The following MYOM1 variants were observed in gnomAD, a reference collection of about 807,000 sequenced individuals.
MYOM1 encodes myomesin-1.
A neutral mutation model predicts 205.3 loss-of-function variants in MYOM1; 164 were observed. The ratio of observed to expected loss-of-function variants is 0.80; its 90% CI spans 0.70 to 0.91. The LOEUF is 0.91. MYOM1 is among the 40% of genes least tolerant of loss of function. MYOM1 has a pLI of 0.00. For synonymous variants in MYOM1, 772 were observed against 789.4 expected, an observed-to-expected ratio of 0.98 and a Z score of 0.37; for missense variants, 2,011 against 2,127.3, an observed-to-expected ratio of 0.95 and a Z score of 1.08.
chr18:3,225,505 G>A, the MYOM1 span, among the ~76,000 whole-genome samples: 1 of 152,138 alleles, frequency 6.6e-6, no homozygotes. Context: ...AAAGGAGGGG[G>A]GTAGCAAGTG....
intron 10 of MYOM1, among the ~76,000 whole-genome samples, chr18:3,157,915 C>T (rs976280349): frequency 5.3e-5 from 8 of 151,726 alleles, no homozygotes; most frequent in Non-Finnish European, 1.0e-4. Context: ...TCCCAGCCCT[C>T]CAAATAGCCA....
chr18:3,226,879 G>A, the MYOM1 span, among the ~76,000 whole-genome samples: 1 of 152,220 alleles, frequency 6.6e-6, no homozygotes, highest in African/African-American at 2.4e-5. The surrounding 1 kb of genome is among the most constrained non-coding windows in gnomAD (Gnocchi z 4.6). Context: ...AGGGCTAGGA[G>A]TCAGTGTGGC....
chr18:3,239,476 CA>C, the MYOM1 span, among the ~76,000 whole-genome samples: 1 of 152,058 alleles, frequency 6.6e-6, no homozygotes, highest in Non-Finnish European at 1.5e-5. Context: ...GAGCATGGGC[CA>C]GGGGATGGTG....
chr18:3,107,285 T>A (rs2079464323), intron 22 of MYOM1, among the ~76,000 whole-genome samples: 1 of 152,234 alleles, frequency 6.6e-6, no homozygotes, highest in South Asian at 2.1e-4. Context: ...GCTGGGCTAA[T>A]TTTTTGTATT....
chr18:3,086,844 T>C (rs1420002827), intron 29 of MYOM1, among the ~76,000 whole-genome samples: 1 of 152,304 alleles, frequency 6.6e-6, no homozygotes, highest in East Asian at 1.9e-4. Context: ...AAAGACTTCC[T>C]ACAAATCAAG....
At position 3,090,780 on chromosome 18, in the gene MYOM1, C is replaced by T. The variant is rs751244847; in HGVS notation, c.3887G>A (p.Arg1296Gln). 25 of 1,613,638 alleles carry T rather than the reference C, an allele frequency of 1.5e-5. No individual in the cohort carries two copies. The highest frequency in any genetic ancestry group is 2.7e-5 in the African/African-American group (2 of 74,880). ...GAACATTTCGATGATGCCAGTGTTTCGGTCAATATGCATTTTATATTTCTT... is the reference window on the plus strand; with the variant it reads ...GAACATTTCGATGATGCCAGTGTTTTGGTCAATATGCATTTTATATTTCTT... ...EGPKYKMHID[R>Q]NTGIIEMFME... The change falls in exon 27 of 38, where the codon CGA becomes CAA. Residue 1296 changes from arginine (R) to glutamine (Q), a missense_variant. Coordinates refer to ENST00000356443, the MANE Select transcript of MYOM1 (RefSeq NM_003803.4).
At chr18:3,206,996 AG>A (rs2081131519) in intron 2 of MYOM1, among the ~76,000 whole-genome samples, 1 of 146,176 alleles carries the variant, frequency 6.8e-6, no homozygotes, top group Non-Finnish European at 1.5e-5. Context: ...TCTCACTTTC[AG>A]TTTTTTTTAA....
At chr18:3,121,402 C>T (rs1038351904) in intron 19 of MYOM1, among the ~76,000 whole-genome samples, 1 of 152,050 alleles carries the variant, frequency 6.6e-6, no homozygotes, top group Non-Finnish European at 1.5e-5. Context: ...AGAAAAAAGG[C>T]AAATTACCCT....
At chr18:3,148,763 G>A (rs894906578) in intron 13 of MYOM1, among the ~76,000 whole-genome samples, 9 of 147,412 alleles carry the variant, frequency 6.1e-5, no homozygotes, top group African/African-American at 1.3e-4. Flanking sequence ...GGAGAATGGC[G>A]TGAACCCGGG....
chr18:3,084,382 G>A (rs1277546399), intron 31 of MYOM1, among the ~76,000 whole-genome samples: 1 of 150,758 alleles, frequency 6.6e-6, no homozygotes, highest in African/African-American at 2.5e-5. Context: ...CATTTTCTTA[G>A]CCGTGTCATC....
At chr18:3,158,850 G>A (rs1464042984) in intron 10 of MYOM1, among the ~76,000 whole-genome samples, 1 of 152,194 alleles carries the variant, frequency 6.6e-6, no homozygotes, top group Non-Finnish European at 1.5e-5. Context: ...CTGGGCTCAA[G>A]TGATCCTCCC....
intron 9 of MYOM1, among the ~76,000 whole-genome samples, chr18:3,167,264 T>TG (rs2080485253): frequency 6.6e-6 from 1 of 152,226 alleles, no homozygotes; most frequent in African/African-American, 2.4e-5. Context: ...CTGTGTGATT[T>TG]GGGGCAATCC....
chr18:3,187,410 G>A, intron 5 of MYOM1, 70 bp downstream of exon 5: 2 of 1,522,622 alleles, frequency 1.3e-6, no homozygotes, highest in Non-Finnish European at 1.8e-6. Flanking sequence ...TGGTTGTTCT[G>A]TGTGTTTCCA....
chr18:3,071,289 T>C (rs563786880), intron 37 of MYOM1, among the ~76,000 whole-genome samples: 1 of 152,328 alleles, frequency 6.6e-6, no homozygotes, highest in Non-Finnish European at 1.5e-5. Flanking sequence ...TACTAAGTGG[T>C]CTACATATGT....
At chr18:3,118,841 C>T (rs1198813547) in intron 20 of MYOM1, among the ~76,000 whole-genome samples, 1 of 152,126 alleles carries the variant, frequency 6.6e-6, no homozygotes, top group Non-Finnish European at 1.5e-5. Flanking sequence ...TCTCTATTTG[C>T]TGAAGTCGAG....
At chr18:3,228,772 C>T in the MYOM1 span, among the ~76,000 whole-genome samples, 3 of 152,266 alleles carry the variant, frequency 2.0e-5, no homozygotes, top group East Asian at 5.8e-4. The surrounding 1 kb of genome is among the most constrained non-coding windows in gnomAD (Gnocchi z 4.5). Flanking sequence ...CTGGGTCCCG[C>T]GCGTGACCGA....
chr18:3,148,867 A>G (rs924250643), intron 13 of MYOM1, among the ~76,000 whole-genome samples: 1 of 149,952 alleles, frequency 6.7e-6, no homozygotes, highest in African/African-American at 2.5e-5. Context: ...AAAAAAAAAA[A>G]AAAAAGAAAA....
chr18:3,090,702 T>A lies in MYOM1; in HGVS notation c.3965A>T (p.Asp1322Val). Reference sequence around the variant, plus strand: ...AGTAGAATGGTTAGTTGCTTTTCCATCTTGAAGCTGGAAAGTGTACGTTCC... The same window carrying A: ...AGTAGAATGGTTAGTTGCTTTTCCAACTTGAAGCTGGAAAGTGTACGTTCC... ...DEGTYTFQLQ[D>V]GKATNHSTVV... Residue 1322 changes from aspartate (D) to valine (V), a missense_variant, in exon 27 of 38, where the codon GAT becomes GTT. Physicochemically the swap from Asp to Val is radical, Grantham distance 152. Transcript: ENST00000356443. 1.2e-6 allele frequency: 2 copies of A among 1,613,958 alleles called. No individual in the cohort carries two copies. The highest frequency in any genetic ancestry group is 1.7e-6 in the Non-Finnish European group (2 of 1,179,852).
At chr18:3,074,938 C>A (rs1027815749) in intron 36 of MYOM1, among the ~76,000 whole-genome samples, 3 of 151,640 alleles carry the variant, frequency 2.0e-5, no homozygotes, top group Non-Finnish European at 4.4e-5. Context: ...GGATTACAGG[C>A]ACCCGCCACT....
Sources: gnomAD v4.1 joint callset for allele counts (sites outside exome capture counted in the v4.1 genomes callset) on GRCh38, gnomAD v4.1.1 for gene constraint, Gnocchi (gnomAD v3.1) non-coding constraint, MANE v1.5 for transcripts, NCBI Gene and HGNC (gene_info 2026-07-23, HGNC 2026-07-21) for gene names.